TRPV4: variants seen among roughly 807,000 people sequenced by gnomAD.
The protein encoded by TRPV4 is transient receptor potential cation channel subfamily V member 4.
In TRPV4, 58 loss-of-function variants were observed where a neutral mutation model predicts 84.1. The ratio of observed to expected loss-of-function variants is 0.69; its 90% CI spans 0.56 to 0.86. The LOEUF is 0.86. Ranked by LOEUF, TRPV4 falls within the 40% of genes least tolerant of loss-of-function variation. TRPV4 has a pLI of 0.00. For synonymous variants in TRPV4, 489 were observed against 500.9 expected (o/e 0.98, Z 0.32); for missense variants, 879 against 1,181.1 (o/e 0.74, Z 3.75).
intron 2 of TRPV4, among the ~76,000 whole-genome samples, chr12:109,812,329 G>C (rs982597243): frequency 3.3e-5 from 5 of 152,202 alleles, no homozygotes; most frequent in Non-Finnish European, 5.9e-5. Flanking sequence ...CTTCTCTCCA[G>C]TCTGTCTTTT....
intron 1 of TRPV4, among the ~76,000 whole-genome samples, chr12:109,824,775 G>A (rs993770963): frequency 1.3e-5 from 1 of 78,074 alleles, no homozygotes; most frequent in Admixed American, 1.4e-4. Context: ...AAAACCTTAG[G>A]CCCGCCTTCT....
intron 3 of TRPV4, among the ~76,000 whole-genome samples, chr12:109,805,417 C>T (rs1891057986): frequency 6.6e-6 from 1 of 152,220 alleles, no homozygotes; most frequent in South Asian, 2.1e-4. Context: ...GGAGCAGCAT[C>T]TTCCCAGAGA....
chr12:109,830,759 T>C (rs1415656374), intron 1 of TRPV4, among the ~76,000 whole-genome samples: 3 of 152,096 alleles, frequency 2.0e-5, no homozygotes, highest in African/African-American at 7.2e-5. Flanking sequence ...AGACACCCAC[T>C]TCATGTAGAC....
At chr12:109,805,244 A>G (rs1447174152) in intron 3 of TRPV4, among the ~76,000 whole-genome samples, 1 of 152,222 alleles carries the variant, frequency 6.6e-6, no homozygotes, top group Non-Finnish European at 1.5e-5. Flanking sequence ...CCCAACAACC[A>G]TTTGCTGAGT....
intron 14 of TRPV4, among the ~76,000 whole-genome samples, chr12:109,785,834 A>G (rs773291017): frequency 1.4e-4 from 21 of 151,610 alleles, no homozygotes; most frequent in Non-Finnish European, 2.7e-4. Flanking sequence ...GGAGTTTGAG[A>G]CCAGCCTGGG....
In TRPV4 at chr12:109,786,831, T is replaced by G. The variant is rs1429319906; in HGVS notation, c.2215A>C (p.Thr739Pro). The G allele has an allele frequency of 1.9e-6, 3 of 1,613,492 alleles. No individual in the cohort carries two copies. Among genetic ancestry groups the G allele is most frequent in the South Asian group, 2.2e-5 (2 of 91,056 alleles). ...GAGCGCTCAATGTCCAGGATGGTGG[T>G]GGCCCACTGCGGGGAGGGAGGGTCA... is the stretch of plus-strand genomic sequence containing the variant. ...SKHIWKLQWA[T>P]TILDIERSFP... The change falls in exon 14 of 16, where the codon ACC (threonine) becomes CCC (proline). Residue 739 changes from threonine (T) to proline (P), a missense_variant. Transcript: ENST00000261740. The surrounding 1 kb of genome is among the most constrained non-coding windows in gnomAD (Gnocchi z 4.5).
intron 1 of TRPV4, among the ~76,000 whole-genome samples, chr12:109,827,068 C>T (rs1029060360): frequency 3.3e-5 from 5 of 152,184 alleles, no homozygotes; most frequent in African/African-American, 9.7e-5. Flanking sequence ...GAGTGAAAGA[C>T]GGGCTTAGTC....
At chr12:109,791,169 G>C (rs996773265) in intron 12 of TRPV4, among the ~76,000 whole-genome samples, 1 of 152,028 alleles carries the variant, frequency 6.6e-6, no homozygotes, top group Non-Finnish European at 1.5e-5. Flanking sequence ...GATCACTTGG[G>C]GTCAGGAGTT....
intron 1 of TRPV4, among the ~76,000 whole-genome samples, chr12:109,823,296 C>G (rs1462161741): frequency 1.3e-5 from 2 of 152,216 alleles, no homozygotes; most frequent in African/African-American, 2.4e-5. Context: ...GGGCCCCCAC[C>G]CCATGCACTC....
At chr12:109,812,314 C>T (rs1221893505) in intron 2 of TRPV4, among the ~76,000 whole-genome samples, 1 of 152,158 alleles carries the variant, frequency 6.6e-6, no homozygotes, top group Admixed American at 6.5e-5. Context: ...TGGCCCCATC[C>T]AGGGCTTCTC....
Position 109,798,603 on chromosome 12 carries a change from C to T in TRPV4, c.1152+11G>A, listed in dbSNP as rs763116011. 1.3e-5 allele frequency: 21 copies of T among 1,609,624 alleles called. No homozygotes were observed. The highest frequency in any genetic ancestry group is 1.5e-5 in the Non-Finnish European group (18 of 1,179,970). On this transcript the variant is annotated intron_variant, in intron 6 of 15. Coordinates refer to ENST00000261740, the MANE Select transcript of TRPV4 (RefSeq NM_021625.5). This position sits in a 1 kb window ranked among gnomAD's most constrained non-coding sequence, Gnocchi z 5.0. ...TAGGTGGATCAGCTGTGCCCCCAGC[C>T]GCACACTCACCCCAATCTTGCCCGT...
chr12:109,787,228 G>C (rs1889748221), intron 13 of TRPV4, among the ~76,000 whole-genome samples: 1 of 152,206 alleles, frequency 6.6e-6, no homozygotes, highest in South Asian at 2.1e-4. Flanking sequence ...AACTTTTCAA[G>C]AAAAGCCAGA....
chr12:109,786,499 A>G lies in TRPV4; in HGVS notation c.2336+211T>C, dbSNP rs953009129. Reference sequence around the variant, plus strand: ...CGCCAGCCTAGGAGCCCGTGAGATCATTGTCTCATTCCACAGATGAAGAAA... The same window carrying G: ...CGCCAGCCTAGGAGCCCGTGAGATCGTTGTCTCATTCCACAGATGAAGAAA... On this transcript the variant is annotated intron_variant, in intron 14 of 15. Transcript: ENST00000261740. The surrounding 1 kb of genome is among the most constrained non-coding windows in gnomAD (Gnocchi z 4.5). Among the ~76,000 whole-genome samples, 1 of 152,160 alleles carries G rather than the reference A, an allele frequency of 6.6e-6. No homozygotes were observed. Among genetic ancestry groups the G allele is most frequent in the African/African-American group, 2.4e-5 (1 of 41,434 alleles).
Position 109,814,651 on chromosome 12 carries a change from G to A in TRPV4, c.146C>T (p.Pro49Leu). Residue 49 changes from proline (P) to leucine (L), a missense_variant, in exon 2 of 16, where the codon CCC becomes CTC. Physicochemically the swap from Pro to Leu is moderately conservative, Grantham distance 98. Coordinates refer to ENST00000261740, the MANE Select transcript of TRPV4 (RefSeq NM_021625.5). The surrounding 1 kb of genome is among the most constrained non-coding windows in gnomAD (Gnocchi z 5.4). ...AGGGCGACTGGCATCAGCCGGTGAG[G>A]GCGAAAGGGAGCCATCCTCCCCCTC... ...LFEGEDGSLSPSPADASRPAG... is the reference protein window; with the variant it reads ...LFEGEDGSLSLSPADASRPAG... 1 of 1,613,648 alleles carries A rather than the reference G, an allele frequency of 6.2e-7. No individual in the cohort carries two copies. The highest frequency in any genetic ancestry group is 8.5e-7 in the Non-Finnish European group (1 of 1,179,936).
rs200199102 is a variant in TRPV4 at position 109,814,592 on chromosome 12, T to G, written c.205A>C (p.Met69Leu). The G allele has an allele frequency of 6.5e-5, 105 of 1,614,030 alleles. No individual in the cohort carries two copies. The highest frequency in any genetic ancestry group is 8.4e-5 in the Non-Finnish European group (99 of 1,179,994). The change falls in exon 2 of 16, where the codon ATG (methionine) becomes CTG (leucine). Residue 69 changes from methionine (M) to leucine (L), a missense_variant. This residue lies in a region of TRPV4 where 107 missense variants were observed against 99.4 expected (regional missense o/e 1.08). Coordinates refer to ENST00000261740, the MANE Select transcript of TRPV4 (RefSeq NM_021625.5). The surrounding 1 kb of genome is among the most constrained non-coding windows in gnomAD (Gnocchi z 5.4). The part of the protein sequence containing the change: ...GPGDGRPNLR[M>L]KFQGAFRKGV... Reference sequence around the variant, plus strand: ...TTGCGGAAGGCGCCCTGGAACTTCATGCGCAGATTTGGTCGCCCATCGCCT... The same window carrying G: ...TTGCGGAAGGCGCCCTGGAACTTCAGGCGCAGATTTGGTCGCCCATCGCCT...
chr12:109,785,111 TCCCAGGCTCAAGTGATCCG>T (rs1469814468), intron 14 of TRPV4, among the ~76,000 whole-genome samples: 1 of 151,804 alleles, frequency 6.6e-6, no homozygotes, highest in Non-Finnish European at 1.5e-5. Context: ...AACCTTGACC[TCCCAGGCTCAAGTGATCCG>T]CCCACTTCAG....
At chr12:109,818,365 A>C (rs1891951168) in intron 1 of TRPV4, among the ~76,000 whole-genome samples, 1 of 150,918 alleles carries the variant, frequency 6.6e-6, no homozygotes, top group Admixed American at 6.6e-5. Flanking sequence ...AGTCAACAAC[A>C]TCAACAGCGC....
chr12:109,833,136 G>A (rs1395587005), intron 1 of TRPV4, among the ~76,000 whole-genome samples: 1 of 152,176 alleles, frequency 6.6e-6, no homozygotes, highest in East Asian at 1.9e-4. Context: ...TTTCACAGGT[G>A]ATAAAACCGA....
intron 2 of TRPV4, among the ~76,000 whole-genome samples, chr12:109,809,296 C>T (rs1891362752): frequency 6.9e-6 from 1 of 144,462 alleles, no homozygotes. Flanking sequence ...CATCCACCTA[C>T]CCGCCCATCC....
Sources: gnomAD v4.1 joint callset for allele counts (sites outside exome capture counted in the v4.1 genomes callset) on GRCh38, gnomAD v4.1.1 for gene constraint, gnomAD v4.1.1 regional missense constraint, Gnocchi (gnomAD v3.1) non-coding constraint, MANE v1.5 for transcripts, NCBI Gene and HGNC (gene_info 2026-07-23, HGNC 2026-07-21) for gene names.